TSG101: variants seen among roughly 807,000 people sequenced by gnomAD.
The protein encoded by TSG101 is tumor susceptibility gene 101 protein.
TSG101 carries 19 observed loss-of-function variants against 48.5 expected under a neutral mutation model. The observed-to-expected ratio is 0.39, with a 90% confidence interval of 0.27 to 0.58. TSG101 has a LOEUF of 0.58. Among genes scored for constraint, TSG101 ranks in the 20% least tolerant of loss-of-function variants. The pLI, the probability that TSG101 is intolerant of heterozygous loss-of-function variation, is 0.55. For synonymous variants in TSG101, 174 were observed against 169.4 expected (o/e 1.03, Z -0.21); for missense variants, 365 against 484.4 (o/e 0.75, Z 2.31).
chr11:18,511,019 CTTAT>C (rs1488638512), intron 4 of TSG101: 4 of 152,178 alleles, frequency 2.6e-5, no homozygotes, highest in African/African-American at 7.2e-5. Context: ...TTCAAAATGG[CTTAT>C]TTGATTATTC....
intron 2 of TSG101, among the ~76,000 whole-genome samples, chr11:18,517,933 T>G (rs957486476): frequency 3.3e-5 from 5 of 152,234 alleles, no homozygotes; most frequent in African/African-American, 4.8e-5. Context: ...GGGGCTTTGT[T>G]TACTCTAAAA....
At chr11:18,521,478 C>G (rs1399723802) in intron 1 of TSG101, among the ~76,000 whole-genome samples, 1 of 147,320 alleles carries the variant, frequency 6.8e-6, no homozygotes, top group African/African-American at 2.5e-5. Flanking sequence ...AAGTGATACT[C>G]CCACCACCGC....
In TSG101 at chr11:18,499,542, C is replaced by T. The variant is rs1047186818; in HGVS notation, c.640+2944G>A. The stretch of plus-strand genomic sequence containing the variant: ...TCTCCTGCCTCAGCTTCTTGAGTAG[C>T]TAGGATTACAGGCGTGCGCCACCAC... On this transcript the variant is annotated intron_variant, in intron 7 of 9. Coordinates refer to ENST00000251968, the MANE Select transcript of TSG101 (RefSeq NM_006292.4). Among the ~76,000 whole-genome samples the T allele has an allele frequency of 2.0e-4, 29 of 145,366 alleles. 1 individual carries two copies.
intron 5 of TSG101, among the ~76,000 whole-genome samples, chr11:18,507,268 A>G (rs2658547): frequency 0.88 from 134,607 of 152,266 alleles, 59,520 homozygotes; most frequent in East Asian, 0.93. Flanking sequence ...ACTTCTTAGA[A>G]AGTAACTTCT....
At chr11:18,491,691 C>T (rs1394121074) in intron 7 of TSG101, among the ~76,000 whole-genome samples, 1 of 152,212 alleles carries the variant, frequency 6.6e-6, no homozygotes, top group Non-Finnish European at 1.5e-5. Context: ...CCTTGGGAAA[C>T]CATGAACTTG....
At chr11:18,480,763 A>ATACC in intron 9 of TSG101, 128 bp from the exon 10 acceptor site, 2 of 707,216 alleles carry the variant, frequency 2.8e-6, no homozygotes, top group South Asian at 3.7e-5. Flanking sequence ...TTTGGAATGA[A>ATACC]TACCTCATTA....
At chr11:18,487,035 T>C (rs1314508535) in intron 7 of TSG101, among the ~76,000 whole-genome samples, 1 of 147,704 alleles carries the variant, frequency 6.8e-6, no homozygotes, top group Non-Finnish European at 1.5e-5. Flanking sequence ...AACCAAACAC[T>C]GCATGTTCTC....
intron 7 of TSG101, among the ~76,000 whole-genome samples, chr11:18,497,458 C>T (rs980969593): frequency 2.6e-5 from 4 of 152,070 alleles, no homozygotes; most frequent in African/African-American, 9.7e-5. Flanking sequence ...ATTTGATTAC[C>T]CGTTCAAAAA....
intron 1 of TSG101, among the ~76,000 whole-genome samples, chr11:18,526,318 T>C (rs953534988): frequency 2.6e-5 from 4 of 152,094 alleles, no homozygotes; most frequent in Admixed American, 2.0e-4. Flanking sequence ...TTCTGGAGAA[T>C]ACAAAACTGA....
At chr11:18,485,031 T>C (rs1484554281) in intron 7 of TSG101, among the ~76,000 whole-genome samples, 1 of 137,504 alleles carries the variant, frequency 7.3e-6, no homozygotes, top group African/African-American at 2.7e-5. Flanking sequence ...CTCTGCCTCC[T>C]GAGTTCAAGC....
intron 1 of TSG101, among the ~76,000 whole-genome samples, chr11:18,522,360 T>C (rs767278501): frequency 2.0e-5 from 3 of 152,226 alleles, no homozygotes; most frequent in Admixed American, 6.5e-5. Flanking sequence ...GTCTTCCATA[T>C]GTGTATACAT....
chr11:18,492,465 A>T (rs1175283452), intron 7 of TSG101, among the ~76,000 whole-genome samples: 2 of 152,208 alleles, frequency 1.3e-5, no homozygotes, highest in Non-Finnish European at 2.9e-5. Context: ...CTAAATTTTT[A>T]AATCCTTATT....
chr11:18,502,492 T>A lies in TSG101; in HGVS notation c.634A>T (p.Thr212Ser). 1.2e-6 allele frequency: 2 copies of A among 1,612,618 alleles called. No individual in the cohort carries two copies. Among genetic ancestry groups the A allele is most frequent in the Middle Eastern group, 1.7e-4 (1 of 6,058 alleles). ...SQYPSQPPVT[T>S]VGPSRDGTIS... ...AGTTTTCAAGGGTACTTACCAACAG[T>A]GGTCACAGGAGGCTGAGAAGGGTAC... Residue 212 changes from threonine to serine, a missense_variant, in exon 7 of 10, where the codon ACT (threonine) becomes TCT (serine). Coordinates refer to ENST00000251968, the MANE Select transcript of TSG101 (RefSeq NM_006292.4).
rs759611597 is a variant in TSG101, at chr11:18,509,473, T to C, written c.481+69A>G. ...GCAAAGAAGTCATTATTTTTCTTTA[T>C]TTTTTTACAAAGGTTTCTGTTCTCT... On this transcript the variant is annotated intron_variant, in intron 5 of 9. Coordinates refer to ENST00000251968, the MANE Select transcript of TSG101 (RefSeq NM_006292.4). The C allele has an allele frequency of 2.0e-5, 30 of 1,524,492 alleles. No individual in the cohort carries two copies. In the Admixed American group the frequency reaches 4.4e-4, roughly 23 times the overall value. The allele number at this position is 1,524,492 out of a possible 1,614,324, so 94.4% of individuals were successfully genotyped here.
intron 1 of TSG101, among the ~76,000 whole-genome samples, chr11:18,523,390 C>T (rs1352904158): frequency 6.6e-6 from 1 of 152,178 alleles, no homozygotes; most frequent in Non-Finnish European, 1.5e-5. Context: ...TGTTTATTGC[C>T]TTCTATAAGA....
chr11:18,491,473 T>C (rs1849700965), intron 7 of TSG101, among the ~76,000 whole-genome samples: 1 of 152,178 alleles, frequency 6.6e-6, no homozygotes, highest in Non-Finnish European at 1.5e-5. Context: ...TAATGATACA[T>C]ACTGTTACTG....
chr11:18,513,818 T>C (rs1316416216), intron 4 of TSG101, among the ~76,000 whole-genome samples: 1 of 152,174 alleles, frequency 6.6e-6, no homozygotes, highest in Non-Finnish European at 1.5e-5. Context: ...CTTATGCCTG[T>C]AATCCCAGCA....
At chr11:18,511,757 G>A (rs572272208) in intron 4 of TSG101, among the ~76,000 whole-genome samples, 3 of 152,002 alleles carry the variant, frequency 2.0e-5, no homozygotes, top group South Asian at 4.2e-4. Flanking sequence ...TTCATCATCC[G>A]AAAAAGAAAC....
chr11:18,497,351 T>C (rs1260348084), intron 7 of TSG101, among the ~76,000 whole-genome samples: 1 of 152,130 alleles, frequency 6.6e-6, no homozygotes, highest in African/African-American at 2.4e-5. Context: ...AAAAACAATA[T>C]ATATTAAAGG....
Sources: gnomAD v4.1 joint callset for allele counts (sites outside exome capture counted in the v4.1 genomes callset) on GRCh38, gnomAD v4.1.1 for gene constraint, MANE v1.5 for transcripts, NCBI Gene and HGNC (gene_info 2026-07-23, HGNC 2026-07-21) for gene names.